Variants in BAZ2B observed in about 807,000 individuals in gnomAD.
The protein encoded by BAZ2B is bromodomain adjacent to zinc finger domain protein 2B.
BAZ2B carries 91 observed loss-of-function variants against 246.0 expected under a neutral mutation model. The observed-to-expected ratio is 0.37, with a 90% CI of 0.31 to 0.44. The LOEUF is 0.44. Among genes scored for constraint, BAZ2B ranks in the 20% least tolerant of loss-of-function variants. The probability of loss-of-function intolerance (pLI) is 1.00; values close to 1 mark genes in which losing one functional copy is unlikely to be tolerated. For synonymous variants in BAZ2B, 855 were observed against 860.0 expected, an observed-to-expected ratio of 0.99 and a Z score of 0.10; for missense variants, 2,332 against 2,533.7, an observed-to-expected ratio of 0.92 and a Z score of 1.71.
chr2:159,366,233 C>T (rs192150822), intron 27 of BAZ2B, among the ~76,000 whole-genome samples: 91 of 152,332 alleles, frequency 6.0e-4, no homozygotes, highest in Non-Finnish European at 1.1e-3. Context: ...GCATAAAACT[C>T]TCAACCAAAT....
the BAZ2B span, among the ~76,000 whole-genome samples, chr2:159,655,954 G>T: frequency 6.6e-6 from 1 of 151,886 alleles, no homozygotes. Context: ...TCTAACATCT[G>T]GGCCCACTCA....
intron 14 of BAZ2B, among the ~76,000 whole-genome samples, chr2:159,409,606 G>A (rs1203300191): frequency 6.6e-6 from 1 of 151,966 alleles, no homozygotes; most frequent in Non-Finnish European, 1.5e-5. Flanking sequence ...GGTCATAGAA[G>A]GATAATAATA....
chr2:159,462,772 A>C, intron 3 of BAZ2B: 1 of 1,407,502 alleles, frequency 7.1e-7, no homozygotes, highest in Non-Finnish European at 1.0e-6. Flanking sequence ...GCTGACACTC[A>C]TGGCTTTCAA....
chr2:159,709,222 G>C, the BAZ2B span, among the ~76,000 whole-genome samples: 5 of 151,942 alleles, frequency 3.3e-5, no homozygotes, highest in African/African-American at 9.7e-5. Context: ...GGGAGGCCGA[G>C]GCAGGCAGAT....
chr2:159,701,650 A>G, the BAZ2B span, among the ~76,000 whole-genome samples: 1 of 147,922 alleles, frequency 6.8e-6, no homozygotes, highest in Non-Finnish European at 1.5e-5. Flanking sequence ...TATAATATAT[A>G]TTTTTATAAT....
At chr2:159,686,879 A>G in the BAZ2B span, among the ~76,000 whole-genome samples, 6,339 of 152,028 alleles carry the variant, frequency 0.042, 497 homozygotes, top group African/African-American at 0.15. Context: ...TGTCTCTACT[A>G]AAAATACAAA....
chr2:159,356,387 G>T (rs988079246), intron 27 of BAZ2B, among the ~76,000 whole-genome samples: 4 of 152,198 alleles, frequency 2.6e-5, no homozygotes, highest in African/African-American at 9.7e-5. Flanking sequence ...GTTCAAACTG[G>T]GCGGAGCCCT....
chr2:159,596,455 T>C (rs1690735207), intron 1 of BAZ2B, among the ~76,000 whole-genome samples: 1 of 152,228 alleles, frequency 6.6e-6, no homozygotes, highest in South Asian at 2.1e-4. Flanking sequence ...TAAATTTGTC[T>C]TGATTTATAG....
intron 34 of BAZ2B, among the ~76,000 whole-genome samples, chr2:159,327,910 C>T: frequency 6.6e-6 from 1 of 151,826 alleles, no homozygotes; most frequent in South Asian, 2.1e-4. Context: ...ACCAAAAATA[C>T]AAAAATTGGC....
At chr2:159,405,149 C>T (rs1188562237) in intron 14 of BAZ2B, 35 bp from the exon 15 acceptor site, 1 of 1,544,752 alleles carries the variant, frequency 6.5e-7, no homozygotes, top group Non-Finnish European at 8.9e-7. Context: ...ATATTAACAA[C>T]TTTGTGTAAC....
the BAZ2B span, among the ~76,000 whole-genome samples, chr2:159,627,067 G>T: frequency 2.6e-5 from 4 of 152,096 alleles, no homozygotes; most frequent in African/African-American, 9.7e-5. Context: ...AGAAAATCTA[G>T]AAGAAATGGA....
intron 1 of BAZ2B, among the ~76,000 whole-genome samples, chr2:159,590,180 T>C (rs1578699621): frequency 2.4e-5 from 1 of 42,168 alleles, no homozygotes; most frequent in Non-Finnish European, 4.0e-5. Context: ...AGAGCAAGAC[T>C]CCATCTCAAA....
chr2:159,356,329 C>G (rs536813529), intron 27 of BAZ2B, among the ~76,000 whole-genome samples: 20 of 152,290 alleles, frequency 1.3e-4, no homozygotes, highest in African/African-American at 4.8e-4. Flanking sequence ...ATTACAGAGG[C>G]TTGGGTAGGC....
intron 3 of BAZ2B, among the ~76,000 whole-genome samples, chr2:159,474,935 T>C (rs1295261386): frequency 6.6e-6 from 1 of 152,220 alleles, no homozygotes; most frequent in African/African-American, 2.4e-5. Flanking sequence ...ACTGTTAGTC[T>C]GATGGGGTTC....
chr2:159,389,455 C>A lies in BAZ2B; in HGVS notation c.3106G>T (p.Asp1036Tyr). ...CGCTCTTTATTTAATCTTTTCTCATCACGTTTTTCTTGTTTCAACCGCTCT... is the reference window on the plus strand; with the variant it reads ...CGCTCTTTATTTAATCTTTTCTCATAACGTTTTTCTTGTTTCAACCGCTCT... ...EKERLKQEKR[D>Y]EKRLNKERKL... Residue 1036 changes from aspartate (D) to tyrosine (Y), a missense_variant, in exon 21 of 37, where the codon GAT (aspartate) becomes TAT (tyrosine). Asp to Tyr is a radical substitution (Grantham distance 160, BLOSUM62 -3). Around this residue, in one of 9 missense-constraint regions of BAZ2B, gnomAD observed 328 missense variants for 410.4 expected, o/e 0.80. Transcript: ENST00000392783. 6.2e-7 allele frequency: 1 copy of A among 1,607,950 alleles called. No homozygotes were observed. Among genetic ancestry groups the A allele is most frequent in the African/African-American group, 1.3e-5 (1 of 74,698 alleles).
At chr2:159,710,952 G>GTT in the BAZ2B span, 3 of 152,234 alleles carry the variant, frequency 2.0e-5, no homozygotes, top group Non-Finnish European at 4.4e-5. Context: ...GACATGGAAT[G>GTT]TAATAGCTAA....
At chr2:159,489,929 A>C (rs2080256282) in intron 2 of BAZ2B, among the ~76,000 whole-genome samples, 1 of 152,176 alleles carries the variant, frequency 6.6e-6, no homozygotes. Flanking sequence ...TAGAAAAAGA[A>C]ATCTAGACAG....
At chr2:159,347,751 A>G in intron 30 of BAZ2B, 105 bp from the exon 31 acceptor site, 1 of 919,124 alleles carries the variant, frequency 1.1e-6, no homozygotes, top group Non-Finnish European at 1.6e-6. Flanking sequence ...ATGTACATCT[A>G]ACTTGACATA....
intron 34 of BAZ2B, among the ~76,000 whole-genome samples, chr2:159,328,604 A>C (rs1239326237): frequency 6.6e-6 from 1 of 152,158 alleles, no homozygotes. Flanking sequence ...AGCTTTGACT[A>C]TTAAATTTAA....
Sources: gnomAD v4.1 joint callset for allele counts (sites outside exome capture counted in the v4.1 genomes callset) on GRCh38, gnomAD v4.1.1 for gene constraint, gnomAD v4.1.1 regional missense constraint, MANE v1.5 for transcripts, NCBI Gene and HGNC (gene_info 2026-07-23, HGNC 2026-07-21) for gene names.